The following AMBRA1 variants were observed in gnomAD, a reference collection of about 807,000 sequenced individuals.
The protein encoded by AMBRA1 is activating molecule in BECN1-regulated autophagy protein 1.
AMBRA1 carries 47 observed loss-of-function variants against 125.4 expected under a neutral mutation model. That is an observed-to-expected ratio of 0.37 (90% CI 0.30 to 0.48). The LOEUF (loss-of-function observed/expected upper bound fraction) is 0.48. AMBRA1 is among the 20% of genes least tolerant of loss of function. AMBRA1 has a pLI of 0.99. For missense variants in AMBRA1, 1,331 were observed against 1,693.4 expected, an observed-to-expected ratio of 0.79 and a Z score of 3.76; for synonymous variants, 626 against 655.5, an observed-to-expected ratio of 0.95 and a Z score of 0.69.
At chr11:46,549,155 G>C (rs2042914316) in intron 1 of AMBRA1, 1 of 151,838 alleles carries the variant, frequency 6.6e-6, no homozygotes, top group East Asian at 1.9e-4. Flanking sequence ...AACTTCATCA[G>C]AAATTAAAAT....
At chr11:46,415,939 C>A (rs1946523939) in intron 15 of AMBRA1, among the ~76,000 whole-genome samples, 1 of 152,192 alleles carries the variant, frequency 6.6e-6, no homozygotes, top group African/African-American at 2.4e-5. Flanking sequence ...GTGACTGACA[C>A]AAAGTAGGCA....
intron 17 of AMBRA1, among the ~76,000 whole-genome samples, chr11:46,406,415 A>G (rs1239035924): frequency 2.8e-5 from 4 of 142,222 alleles, no homozygotes; most frequent in Non-Finnish European, 6.1e-5. Flanking sequence ...GGTGGCTCAC[A>G]CCTGTAACTC....
At chr11:46,515,199 C>T (rs529639961) in intron 7 of AMBRA1, among the ~76,000 whole-genome samples, 3 of 152,310 alleles carry the variant, frequency 2.0e-5, no homozygotes, top group African/African-American at 2.4e-5. Context: ...CTTGGCTGGG[C>T]GTGGTGCCTC....
chr11:46,509,131 G>A (rs1378084409), intron 8 of AMBRA1, among the ~76,000 whole-genome samples: 1 of 152,202 alleles, frequency 6.6e-6, no homozygotes, highest in African/African-American at 2.4e-5. Context: ...CAATATGGAA[G>A]GTGAGAGTTG....
intron 12 of AMBRA1, among the ~76,000 whole-genome samples, chr11:46,436,033 CA>C (rs1947698409): frequency 6.6e-6 from 1 of 152,210 alleles, no homozygotes; most frequent in South Asian, 2.1e-4. Context: ...CCAAGCTCAT[CA>C]GGGCTTTGTC....
At chr11:46,468,427 A>G (rs1303100584) in intron 11 of AMBRA1, among the ~76,000 whole-genome samples, 2 of 152,038 alleles carry the variant, frequency 1.3e-5, no homozygotes, top group African/African-American at 4.8e-5. Context: ...CCCTTGGCTC[A>G]ATGTAACTCT....
At chr11:46,512,611 C>T (rs985445306) in intron 8 of AMBRA1, 116 bp downstream of exon 8, 2 of 730,684 alleles carry the variant, frequency 2.7e-6, no homozygotes, top group Non-Finnish European at 4.4e-6. Flanking sequence ...AAAACTGTAA[C>T]TGAAGAATAA....
At chr11:46,436,349 GAC>G (rs1389058416) in intron 12 of AMBRA1, among the ~76,000 whole-genome samples, 8 of 152,214 alleles carry the variant, frequency 5.3e-5, no homozygotes, top group Non-Finnish European at 1.2e-4. Context: ...CTAATGAGAT[GAC>G]AGTGTATATC....
intron 11 of AMBRA1, among the ~76,000 whole-genome samples, chr11:46,485,504 A>G (rs1950235565): frequency 6.6e-6 from 1 of 152,214 alleles, no homozygotes; most frequent in Non-Finnish European, 1.5e-5. Flanking sequence ...GAATTAGTAA[A>G]TTTTTAGTGG....
At chr11:46,522,448 CAG>C (rs992855575) in intron 7 of AMBRA1, among the ~76,000 whole-genome samples, 5 of 152,070 alleles carry the variant, frequency 3.3e-5, no homozygotes, top group African/African-American at 1.2e-4. Context: ...TCACAGACCA[CAG>C]ACTTTTTTTT....
intron 11 of AMBRA1, among the ~76,000 whole-genome samples, chr11:46,487,143 A>G (rs1035301429): frequency 3.9e-5 from 6 of 152,078 alleles, no homozygotes; most frequent in Middle Eastern, 3.4e-3. Flanking sequence ...CTACAGTTCC[A>G]GCTACTCAGG....
chr11:46,534,491 A>G (rs964350860), intron 7 of AMBRA1, among the ~76,000 whole-genome samples: 5 of 152,104 alleles, frequency 3.3e-5, no homozygotes, highest in African/African-American at 1.2e-4. Context: ...GCGAAACTCC[A>G]TCTCAAAATA....
At position 46,465,944 on chromosome 11, in the gene AMBRA1, C is replaced by T. The variant is rs552346881; in HGVS notation, c.2522-22346G>A. On this transcript the variant is annotated intron_variant, in intron 11 of 17. Transcript: ENST00000683756. ...GATAAAGCCTTGGCCTTCAACCTCA[C>T]TAAGGCTGACAAAGATACACAGATT... Among the ~76,000 whole-genome samples the T allele has an allele frequency of 8.5e-5, 13 of 152,328 alleles. No individual in the cohort carries two copies. In the South Asian group the frequency reaches 2.1e-3, roughly 24 times the overall value.
chr11:46,563,412 G>A (rs903700571), intron 1 of AMBRA1, among the ~76,000 whole-genome samples: 1 of 152,016 alleles, frequency 6.6e-6, no homozygotes, highest in East Asian at 1.9e-4. Context: ...TTTTTGTAGA[G>A]ACAAGGTTTC....
At position 46,547,312 on chromosome 11, in the gene AMBRA1, G is replaced by A; in HGVS notation, c.195-16C>T. On this transcript the variant is annotated splice_polypyrimidine_tract_variant and intron_variant, in intron 3 of 17. Transcript: ENST00000683756. ...TAAGAGAGTCCTAGAAAATCAAAGAGTAGAACTGAATTCAGAAGCATGTGG... is the reference window on the plus strand; with the variant it reads ...TAAGAGAGTCCTAGAAAATCAAAGAATAGAACTGAATTCAGAAGCATGTGG... 1 of 1,593,500 alleles carries A rather than the reference G, an allele frequency of 6.3e-7. No individual in the cohort carries two copies. Among genetic ancestry groups the A allele is most frequent in the Non-Finnish European group, 8.5e-7 (1 of 1,170,060 alleles).
intron 14 of AMBRA1, among the ~76,000 whole-genome samples, chr11:46,424,853 T>C (rs1171741223): frequency 6.6e-6 from 1 of 151,060 alleles, no homozygotes; most frequent in African/African-American, 2.4e-5. Context: ...TTTAAACAAA[T>C]AGGCCAGGTG....
At chr11:46,563,847 A>C (rs531498751) in intron 1 of AMBRA1, among the ~76,000 whole-genome samples, 1 of 150,472 alleles carries the variant, frequency 6.6e-6, no homozygotes, top group African/African-American at 2.4e-5. Flanking sequence ...TGTCTCAAAA[A>C]AAAAAAAAAA....
chr11:46,542,585 C>T lies in AMBRA1; in HGVS notation c.1432G>A (p.Ala478Thr), dbSNP rs762461625. The change falls in exon 7 of 18, where the codon GCA becomes ACA. Residue 478 changes from alanine (A) to threonine (T), a missense_variant. This residue lies in a region of AMBRA1 where 689 missense variants were observed against 776.5 expected (regional missense o/e 0.89). Coordinates refer to ENST00000683756, the MANE Select transcript of AMBRA1 (RefSeq NM_001387011.1). This position sits in a 1 kb window ranked among gnomAD's most constrained non-coding sequence, Gnocchi z 5.9. ...CCATTCCCTCCATCTGACTCAGTTGCCAACCCTGATGCCGGAAAACCCCTC... is the reference window on the plus strand; with the variant it reads ...CCATTCCCTCCATCTGACTCAGTTGTCAACCCTGATGCCGGAAAACCCCTC... ...EGRGFPASGL[A>T]TESDGGNGSS... 9.3e-6 allele frequency: 15 copies of T among 1,613,644 alleles called. No individual in the cohort carries two copies. Among genetic ancestry groups the T allele is most frequent in the Non-Finnish European group, 1.2e-5 (14 of 1,180,044 alleles).
chr11:46,532,495 G>A (rs183156100), intron 7 of AMBRA1, among the ~76,000 whole-genome samples: 2 of 152,306 alleles, frequency 1.3e-5, no homozygotes, highest in Admixed American at 1.3e-4. Flanking sequence ...GGAGTGCAGT[G>A]GTGCGATCTC....
Sources: allele counts gnomAD v4.1 joint callset (sites outside exome capture counted in the v4.1 genomes callset), GRCh38; gene constraint gnomAD v4.1.1; regional missense constraint gnomAD v4.1.1; non-coding constraint Gnocchi (gnomAD v3.1); transcripts MANE v1.5; gene names NCBI Gene and HGNC (gene_info 2026-07-23, HGNC 2026-07-21).